The following LRFN5 variants were observed in gnomAD, a reference collection of about 807,000 sequenced individuals.
LRFN5 encodes the protein leucine rich repeat and fibronectin type III domain containing 5.
In LRFN5, 24 loss-of-function variants were observed where a neutral mutation model predicts 45.6. That is an observed-to-expected ratio of 0.53 (90% CI 0.38 to 0.74). The LOEUF (loss-of-function observed/expected upper bound fraction) is 0.74. LRFN5 is among the 30% of genes least tolerant of loss of function. The pLI is 0.00. For synonymous variants in LRFN5, 340 were observed against 313.8 expected, an observed-to-expected ratio of 1.08 and a Z score of -0.88; for missense variants, 776 against 861.5, an observed-to-expected ratio of 0.90 and a Z score of 1.24.
chr14:41,808,197 G>GGGAAGGAAGGAAGGAAGGAAGGAAGGAA (rs141262386), intron 2 of LRFN5, among the ~76,000 whole-genome samples: 39 of 101,114 alleles, frequency 3.9e-4, no homozygotes, highest in African/African-American at 1.5e-3. Context: ...AGGAAGTAGA[G>GGGAAGGAAGGAAGGAAGGAAGGAAGGAA]GGAAGGAAGG....
chr14:41,712,393 T>A (rs1045465177), intron 1 of LRFN5, among the ~76,000 whole-genome samples: 1 of 152,100 alleles, frequency 6.6e-6, no homozygotes, highest in African/African-American at 2.4e-5. Flanking sequence ...GACATCTCTA[T>A]GACATAGACA....
At chr14:41,748,028 A>G (rs1286765591) in intron 1 of LRFN5, among the ~76,000 whole-genome samples, 1 of 152,060 alleles carries the variant, frequency 6.6e-6, no homozygotes, top group Non-Finnish European at 1.5e-5. Flanking sequence ...CTTGGAGAAG[A>G]TGTGAAGCGA....
intron 2 of LRFN5, among the ~76,000 whole-genome samples, chr14:41,767,604 C>T (rs1296283764): frequency 6.6e-6 from 1 of 151,866 alleles, no homozygotes; most frequent in African/African-American, 2.4e-5. Context: ...TTTAAATGTG[C>T]ATACTAGAAA....
chr14:41,900,753 AT>A (rs772750071), intron 5 of LRFN5, among the ~76,000 whole-genome samples: 3 of 152,192 alleles, frequency 2.0e-5, no homozygotes, highest in Non-Finnish European at 4.4e-5. Context: ...TTCTCGGTAA[AT>A]GATTTGTGCT....
At chr14:41,853,866 C>A (rs972043328) in intron 2 of LRFN5, among the ~76,000 whole-genome samples, 4 of 152,032 alleles carry the variant, frequency 2.6e-5, no homozygotes, top group African/African-American at 9.7e-5. Flanking sequence ...GTGTTGGTAG[C>A]AGTAACAACA....
intron 1 of LRFN5, among the ~76,000 whole-genome samples, chr14:41,733,255 G>C (rs1223404916): frequency 1.4e-4 from 21 of 151,960 alleles, no homozygotes. Flanking sequence ...TGAACTCAAA[G>C]ACAGCCACAC....
At chr14:41,681,131 A>G (rs1881865063) in intron 1 of LRFN5, among the ~76,000 whole-genome samples, 1 of 152,172 alleles carries the variant, frequency 6.6e-6, no homozygotes, top group African/African-American at 2.4e-5. Context: ...AAATAGCCTC[A>G]AAAGGGCAAA....
At chr14:41,801,659 C>T (rs943528310) in intron 2 of LRFN5, among the ~76,000 whole-genome samples, 7 of 152,174 alleles carry the variant, frequency 4.6e-5, no homozygotes, top group African/African-American at 1.4e-4. Flanking sequence ...TGCTCATTAT[C>T]CCAGATGTTG....
chr14:41,674,531 G>C (rs1418647207), intron 1 of LRFN5, among the ~76,000 whole-genome samples: 2 of 143,112 alleles, frequency 1.4e-5, no homozygotes, highest in Non-Finnish European at 3.1e-5. Context: ...TCTCCAGGAC[G>C]GGGCGGCTGG....
intron 1 of LRFN5, among the ~76,000 whole-genome samples, chr14:41,620,490 G>A (rs1179462132): frequency 1.3e-5 from 2 of 151,984 alleles, no homozygotes; most frequent in African/African-American, 4.8e-5. Flanking sequence ...GGACATGTTC[G>A]AAGAATTGAG....
intron 1 of LRFN5, among the ~76,000 whole-genome samples, chr14:41,645,639 C>T (rs1441946595): frequency 6.6e-6 from 1 of 152,184 alleles, no homozygotes; most frequent in South Asian, 2.1e-4. Context: ...TTTAAGGTCA[C>T]ATGTTCCTCT....
chr14:41,734,341 TATA>T (rs1566642925), intron 1 of LRFN5, among the ~76,000 whole-genome samples: 15 of 112,996 alleles, frequency 1.3e-4, no homozygotes, highest in African/African-American at 3.2e-4. Context: ...TATATATATA[TATA>T]TTTAAATTTG....
intron 2 of LRFN5, among the ~76,000 whole-genome samples, chr14:41,770,882 T>C (rs1161843370): frequency 2.6e-5 from 4 of 152,160 alleles, no homozygotes; most frequent in African/African-American, 9.6e-5. Context: ...AGCATTGCCC[T>C]GGTAGAGTTT....
At chr14:41,763,373 A>C (rs1170754971) in intron 1 of LRFN5, among the ~76,000 whole-genome samples, 2 of 152,230 alleles carry the variant, frequency 1.3e-5, no homozygotes, top group Non-Finnish European at 2.9e-5. Context: ...AGAGGATAAG[A>C]AAGTATCATT....
chr14:41,894,206 C>A, intron 4 of LRFN5: 1 of 984,950 alleles, frequency 1.0e-6, no homozygotes, highest in Admixed American at 6.2e-5. Context: ...TGAAATCATG[C>A]AACATTAGCA....
At chr14:41,753,850 T>C (rs1885248682) in intron 1 of LRFN5, among the ~76,000 whole-genome samples, 1 of 152,170 alleles carries the variant, frequency 6.6e-6, no homozygotes, top group East Asian at 1.9e-4. Context: ...GTGCCAGTTT[T>C]CAAAGGGAAT....
intron 2 of LRFN5, among the ~76,000 whole-genome samples, chr14:41,810,661 T>C (rs1330915450): frequency 2.0e-5 from 3 of 152,130 alleles, no homozygotes; most frequent in Middle Eastern, 3.2e-3. Flanking sequence ...TTTTAAAGGT[T>C]GTATTTTACT....
At chr14:41,840,844 A>G (rs75561179) in intron 2 of LRFN5, among the ~76,000 whole-genome samples, 2,763 of 152,046 alleles carry the variant, frequency 0.018, 34 homozygotes, top group African/African-American at 0.038. Flanking sequence ...TGTTGTATAA[A>G]CCTGAGATAG....
At chr14:41,764,415 A>T (rs1885795100) in intron 1 of LRFN5, among the ~76,000 whole-genome samples, 4 of 152,306 alleles carry the variant, frequency 2.6e-5, no homozygotes, top group Admixed American at 2.6e-4. Context: ...TCTTAATAAA[A>T]GGTATGATTA....
Sources: allele counts gnomAD v4.1 joint callset (sites outside exome capture counted in the v4.1 genomes callset), GRCh38; gene constraint gnomAD v4.1.1; transcripts MANE v1.5; gene names NCBI Gene and HGNC (gene_info 2026-07-23, HGNC 2026-07-21).